USP46: variants seen among roughly 807,000 people sequenced by gnomAD.
USP46 encodes ubiquitin specific peptidase 46.
USP46 carries 12 observed loss-of-function variants against 44.4 expected under a neutral mutation model. That is an observed-to-expected ratio of 0.27 (90% confidence interval 0.17 to 0.44). The LOEUF (loss-of-function observed/expected upper bound fraction) is 0.44, where lower values mean the gene tolerates loss of function less well. USP46 is among the 20% of genes least tolerant of loss of function. USP46 has a pLI of 1.00. For missense variants in USP46, 248 were observed against 444.8 expected (o/e 0.56, Z 3.98); for synonymous variants, 155 against 161.5 (o/e 0.96, Z 0.31).
intron 1 of USP46, among the ~76,000 whole-genome samples, chr4:52,640,619 G>A (rs1003275326): frequency 2.6e-5 from 4 of 151,616 alleles, no homozygotes; most frequent in Non-Finnish European, 5.9e-5. Flanking sequence ...TGACCAACAT[G>A]GAGAAACTCT....
chr4:52,646,368 T>C (rs1718550527), intron 1 of USP46, among the ~76,000 whole-genome samples: 1 of 152,208 alleles, frequency 6.6e-6, no homozygotes. Context: ...ATGTGCTGAT[T>C]ATGAAATGTA....
chr4:52,594,535 T>C lies in USP46; in HGVS notation c.*3105A>G, dbSNP rs892739297. On this transcript the variant is annotated 3_prime_UTR_variant, in exon 9 of 9. Coordinates refer to ENST00000441222, the MANE Select transcript of USP46 (RefSeq NM_022832.4). ...GCTGATAAATGCCTTGACCATATAATAGCAAACAAGGGCAAAACATTTAGT... is the reference window on the plus strand; with the variant it reads ...GCTGATAAATGCCTTGACCATATAACAGCAAACAAGGGCAAAACATTTAGT... 2 of 152,166 alleles carry C rather than the reference T, an allele frequency of 1.3e-5. No homozygotes were observed. Among genetic ancestry groups the C allele is most frequent in the African/African-American group, 4.8e-5 (2 of 41,450 alleles). The allele number at this position is 152,166 out of a possible 1,614,324, so 9.4% of individuals were successfully genotyped here.
intron 1 of USP46, among the ~76,000 whole-genome samples, chr4:52,647,787 C>T (rs139377686): frequency 6.6e-6 from 1 of 152,332 alleles, no homozygotes; most frequent in East Asian, 1.9e-4. Context: ...CTTCTTGCCA[C>T]TGCTCACCAG....
chr4:52,651,962 A>G (rs1197393793), intron 1 of USP46, among the ~76,000 whole-genome samples: 3 of 151,974 alleles, frequency 2.0e-5, no homozygotes, highest in African/African-American at 4.8e-5. Context: ...CTTCCAATCC[A>G]TCCCTACCTT....
intron 3 of USP46, 100 bp downstream of exon 3, chr4:52,627,850 C>T (rs1717652500): frequency 7.6e-7 from 1 of 1,309,692 alleles, no homozygotes; most frequent in Non-Finnish European, 1.0e-6. Flanking sequence ...GCTTATTTTC[C>T]CTTTTCAAAA....
chr4:52,622,328 A>G (rs1717410099), intron 4 of USP46, among the ~76,000 whole-genome samples: 1 of 152,224 alleles, frequency 6.6e-6, no homozygotes, highest in Non-Finnish European at 1.5e-5. Context: ...ACACACATAT[A>G]CTTCTTTAAA....
At chr4:52,615,077 CA>C (rs1476584907) in intron 4 of USP46, among the ~76,000 whole-genome samples, 3 of 150,798 alleles carry the variant, frequency 2.0e-5, no homozygotes, top group Non-Finnish European at 3.0e-5. Context: ...AAAATATATT[CA>C]AAAAATAATT....
At chr4:52,632,984 G>GAAAGAAAT (rs1175060206) in intron 1 of USP46, among the ~76,000 whole-genome samples, 18 of 52,536 alleles carry the variant, frequency 3.4e-4, no homozygotes, top group Non-Finnish European at 3.4e-4. Flanking sequence ...AAGAAAGAAA[G>GAAAGAAAT]AAAAGAAAAG....
At chr4:52,629,589 T>G (rs1313877494) in intron 2 of USP46, 5 of 456,160 alleles carry the variant, frequency 1.1e-5, no homozygotes, top group African/African-American at 4.0e-5. Context: ...TTCCAGGGCT[T>G]AGCTTTCCTC....
Position 52,601,926 on chromosome 4 carries a change from T to A in USP46, c.851A>T (p.Asn284Ile), listed in dbSNP as rs761898490. 1 of 1,613,870 alleles carries A rather than the reference T, an allele frequency of 6.2e-7. No homozygotes were observed. Among genetic ancestry groups the A allele is most frequent in the Admixed American group, 1.7e-5 (1 of 60,014 alleles). ...CAGGTTCACTGCATCACTGGAGGTGTTGAAGAGCCGGAGTTCCAGAGGGAA... is the reference window on the plus strand; with the variant it reads ...CAGGTTCACTGCATCACTGGAGGTGATGAAGAGCCGGAGTTCCAGAGGGAA... ...VVFPLELRLF[N>I]TSSDAVNLDR... is the part of the protein sequence containing the mutation. The change falls in exon 7 of 9, where the codon AAC becomes ATC. Residue 284 changes from asparagine (N) to isoleucine (I), a missense_variant. Asn to Ile is a moderately radical substitution (Grantham distance 149). Transcript: ENST00000441222.
At chr4:52,645,660 A>G (rs1718526727) in intron 1 of USP46, among the ~76,000 whole-genome samples, 3 of 151,908 alleles carry the variant, frequency 2.0e-5, no homozygotes, top group Admixed American at 2.0e-4. Flanking sequence ...CCACAAATAC[A>G]CTTCCCATCT....
chr4:52,619,395 C>CCAGGATTGAAGGAACT (rs1278472384), intron 4 of USP46, among the ~76,000 whole-genome samples: 11 of 152,140 alleles, frequency 7.2e-5, no homozygotes, highest in African/African-American at 2.4e-4. Flanking sequence ...GCAGCTGAGG[C>CCAGGATTGAAGGAACT]AGCAACAATG....
At chr4:52,648,923 A>G (rs1718654199) in intron 1 of USP46, among the ~76,000 whole-genome samples, 1 of 152,236 alleles carries the variant, frequency 6.6e-6, no homozygotes, top group Non-Finnish European at 1.5e-5. Flanking sequence ...TTTGAAAAGT[A>G]TCTGACTTGG....
chr4:52,658,303 T>C (rs1719032385), intron 1 of USP46: 2 of 455,994 alleles, frequency 4.4e-6, no homozygotes, highest in Non-Finnish European at 8.8e-6. Context: ...GGGAAAGCAA[T>C]GGGGGAAACC....
chr4:52,632,581 G>A (rs1717874778), intron 1 of USP46, among the ~76,000 whole-genome samples: 1 of 152,132 alleles, frequency 6.6e-6, no homozygotes, highest in African/African-American at 2.4e-5. Context: ...AGCACTTTGG[G>A]AGGCTGAGGT....
At chr4:52,623,227 C>T (rs1282085688) in intron 4 of USP46, among the ~76,000 whole-genome samples, 4 of 152,078 alleles carry the variant, frequency 2.6e-5, no homozygotes, top group African/African-American at 9.7e-5. Flanking sequence ...AGAAGGAGTA[C>T]ACCCTTATTA....
chr4:52,641,805 T>C (rs960511354), intron 1 of USP46, among the ~76,000 whole-genome samples: 4 of 152,186 alleles, frequency 2.6e-5, no homozygotes, highest in Non-Finnish European at 5.9e-5. Flanking sequence ...ACATGCAGCC[T>C]TTCTTTCAAG....
intron 1 of USP46, chr4:52,656,236 G>T: frequency 6.6e-7 from 1 of 1,516,620 alleles, no homozygotes; most frequent in Non-Finnish European, 9.0e-7. Context: ...GGAGCGGGAA[G>T]GGTCAGTAAG....
At chr4:52,615,726 A>G (rs1316334078) in intron 4 of USP46, among the ~76,000 whole-genome samples, 3 of 152,232 alleles carry the variant, frequency 2.0e-5, no homozygotes, top group African/African-American at 7.2e-5. Context: ...CAAATAAAAC[A>G]GGAATTAACT....
Sources: allele counts gnomAD v4.1 joint callset (sites outside exome capture counted in the v4.1 genomes callset), GRCh38; gene constraint gnomAD v4.1.1; transcripts MANE v1.5; gene names NCBI Gene and HGNC (gene_info 2026-07-23, HGNC 2026-07-21).